GABRB3: variants seen among roughly 807,000 people sequenced by gnomAD.
The protein encoded by GABRB3 is gamma-aminobutyric acid type A receptor subunit beta3, also known as gamma-aminobutyric acid receptor subunit beta-3.
In GABRB3, 14 loss-of-function variants were observed where a neutral mutation model predicts 52.1. The ratio of observed to expected loss-of-function variants is 0.27; its 90% confidence interval spans 0.18 to 0.42. The LOEUF (loss-of-function observed/expected upper bound fraction) is 0.42, where lower values mean the gene tolerates loss of function less well. GABRB3 is among the 10% of genes least tolerant of loss of function. The pLI, the probability that GABRB3 is intolerant of heterozygous loss-of-function variation, is 1.00. For synonymous variants in GABRB3, 260 were observed against 232.3 expected, an observed-to-expected ratio of 1.12 and a Z score of -1.08; for missense variants, 307 against 609.1, an observed-to-expected ratio of 0.50 and a Z score of 5.22.
chr15:26,659,152 T>C (rs1358684080), intron 3 of GABRB3, among the ~76,000 whole-genome samples: 2 of 152,206 alleles, frequency 1.3e-5, no homozygotes, highest in Non-Finnish European at 2.9e-5. Context: ...CCACTGTCAA[T>C]GGTACAAGTC....
At chr15:26,655,627 G>A (rs531796070) in intron 3 of GABRB3, among the ~76,000 whole-genome samples, 8 of 152,100 alleles carry the variant, frequency 5.3e-5, no homozygotes, top group African/African-American at 1.7e-4. Flanking sequence ...CTGTAGTCCA[G>A]GCTACTCGGG....
chr15:26,684,147 A>AG (rs1888327849), intron 3 of GABRB3, among the ~76,000 whole-genome samples: 2 of 152,222 alleles, frequency 1.3e-5, no homozygotes, highest in Admixed American at 6.5e-5. Context: ...CAACCTAGGA[A>AG]GTGGGGGTGA....
At chr15:26,759,116 TC>T (rs1480321558) in intron 3 of GABRB3, among the ~76,000 whole-genome samples, 7 of 152,194 alleles carry the variant, frequency 4.6e-5, no homozygotes, top group Middle Eastern at 3.2e-3. Context: ...CAAGCAATTT[TC>T]CTGGTCTCTC....
chr15:26,729,960 G>T (rs1467484898), intron 3 of GABRB3, among the ~76,000 whole-genome samples: 1 of 152,192 alleles, frequency 6.6e-6, no homozygotes, highest in Non-Finnish European at 1.5e-5. Flanking sequence ...CTAGAACCAA[G>T]TTAGGTGCAT....
intron 3 of GABRB3, among the ~76,000 whole-genome samples, chr15:26,643,850 A>G (rs11161324): frequency 0.37 from 56,377 of 152,172 alleles, 11,831 homozygotes; most frequent in East Asian, 0.82. Flanking sequence ...GACCAAAACT[A>G]CGGATCCTTC....
At chr15:26,769,647 T>G (rs759599676) in intron 3 of GABRB3, among the ~76,000 whole-genome samples, 3 of 152,144 alleles carry the variant, frequency 2.0e-5, no homozygotes, top group Non-Finnish European at 4.4e-5. Flanking sequence ...ATATCCTCTT[T>G]CAAGTAAGCC....
intron 3 of GABRB3, among the ~76,000 whole-genome samples, chr15:26,738,168 C>T (rs1395432388): frequency 6.6e-6 from 1 of 152,118 alleles, no homozygotes; most frequent in Admixed American, 6.5e-5. Flanking sequence ...CTGCAACCTC[C>T]ACCTCCCCAG....
At chr15:26,718,726 C>G (rs920417305) in intron 3 of GABRB3, among the ~76,000 whole-genome samples, 15 of 152,144 alleles carry the variant, frequency 9.9e-5, no homozygotes, top group Non-Finnish European at 2.2e-4. Flanking sequence ...AGAACACCAC[C>G]CACCATCCAT....
At chr15:26,706,359 T>G (rs1385968318) in intron 3 of GABRB3, among the ~76,000 whole-genome samples, 1 of 152,088 alleles carries the variant, frequency 6.6e-6, no homozygotes, top group Non-Finnish European at 1.5e-5. Context: ...TAGAAATCCT[T>G]CCTTGGAAAT....
chr15:26,698,027 C>A (rs946603220), intron 3 of GABRB3, among the ~76,000 whole-genome samples: 5 of 152,364 alleles, frequency 3.3e-5, no homozygotes, highest in Admixed American at 6.5e-5. Flanking sequence ...GGAGTCCCAG[C>A]TCATCAACTA....
At chr15:26,625,322 A>G (rs554721481) in intron 3 of GABRB3, 5 of 290,700 alleles carry the variant, frequency 1.7e-5, no homozygotes, top group Non-Finnish European at 2.1e-5. Context: ...CTCCTTCCAC[A>G]CCCAACCCAT....
intron 3 of GABRB3, among the ~76,000 whole-genome samples, chr15:26,737,903 T>C (rs1316902388): frequency 2.0e-5 from 3 of 152,220 alleles, no homozygotes; most frequent in South Asian, 4.1e-4. Flanking sequence ...AATTACTCAC[T>C]GGACACTGAG....
intron 3 of GABRB3, among the ~76,000 whole-genome samples, chr15:26,662,707 C>T (rs1887588573): frequency 6.6e-6 from 1 of 152,086 alleles, no homozygotes; most frequent in Non-Finnish European, 1.5e-5. Flanking sequence ...AGTGCACAGG[C>T]GTACCTTTCA....
At chr15:26,551,782 A>C (rs1449575039) in intron 8 of GABRB3, among the ~76,000 whole-genome samples, 2 of 152,172 alleles carry the variant, frequency 1.3e-5, no homozygotes, top group Non-Finnish European at 2.9e-5. Flanking sequence ...GTCCTCCACT[A>C]GACGGAGTGG....
intron 3 of GABRB3, among the ~76,000 whole-genome samples, chr15:26,653,323 G>T (rs1887255460): frequency 6.6e-6 from 1 of 152,152 alleles, no homozygotes; most frequent in Admixed American, 6.5e-5. Context: ...TAAAACCTAA[G>T]ATTGGTGTTC....
chr15:26,549,891 C>A (rs923576401), intron 8 of GABRB3, among the ~76,000 whole-genome samples: 1 of 152,146 alleles, frequency 6.6e-6, no homozygotes, highest in South Asian at 2.1e-4. Context: ...TATCTCCTTG[C>A]CAGTTGACTT....
chr15:26,747,148 T>G (rs2140167165), intron 3 of GABRB3, among the ~76,000 whole-genome samples: 1 of 152,314 alleles, frequency 6.6e-6, no homozygotes, highest in African/African-American at 2.4e-5. Flanking sequence ...CAGACTGGGA[T>G]TCTCCTCAAA....
At chr15:26,722,850 C>A (rs1292097283) in intron 3 of GABRB3, among the ~76,000 whole-genome samples, 4 of 152,190 alleles carry the variant, frequency 2.6e-5, no homozygotes, top group Non-Finnish European at 5.9e-5. Flanking sequence ...AAGCCCTGCT[C>A]TCCCACTGGG....
intron 3 of GABRB3, among the ~76,000 whole-genome samples, chr15:26,736,924 G>C (rs6576601): frequency 0.75 from 113,532 of 151,712 alleles, 43,187 homozygotes; most frequent in South Asian, 0.84. Flanking sequence ...TCCCAGGTTA[G>C]GTCTGCAAAG....
Sources: allele counts gnomAD v4.1 joint callset (sites outside exome capture counted in the v4.1 genomes callset), GRCh38; gene constraint gnomAD v4.1.1; transcripts MANE v1.5; gene names NCBI Gene and HGNC (gene_info 2026-07-23, HGNC 2026-07-21).